The following KHDRBS2 variants were observed in gnomAD, a reference collection of about 807,000 sequenced individuals.
KHDRBS2 encodes KH RNA binding domain containing, signal transduction associated 2, also known as KH domain-containing, RNA-binding, signal transduction-associated protein 2.
A neutral mutation model predicts 44.3 loss-of-function variants in KHDRBS2; 26 were observed. That is an observed-to-expected ratio of 0.59 (90% CI 0.43 to 0.81). The LOEUF is 0.81. Among genes scored for constraint, KHDRBS2 ranks in the 40% least tolerant of loss-of-function variants. The probability of loss-of-function intolerance (pLI) is 0.00; values close to 1 mark genes in which losing one functional copy is unlikely to be tolerated. For synonymous variants in KHDRBS2, 194 were observed against 151.1 expected (o/e 1.28, Z -2.08); for missense variants, 476 against 433.1 (o/e 1.10, Z -0.88).
At chr6:62,134,705 T>C (rs1007041684) in intron 2 of KHDRBS2, among the ~76,000 whole-genome samples, 2 of 152,116 alleles carry the variant, frequency 1.3e-5, no homozygotes, top group Non-Finnish European at 2.9e-5. Flanking sequence ...CCCACGACCA[T>C]AGGAACCCAC....
At chr6:62,104,420 T>C (rs192303851) in intron 2 of KHDRBS2, among the ~76,000 whole-genome samples, 8 of 152,318 alleles carry the variant, frequency 5.3e-5, no homozygotes, top group East Asian at 3.9e-4. Context: ...TTAGGTATAT[T>C]TGAAATCATT....
the KHDRBS2 span, among the ~76,000 whole-genome samples, chr6:61,569,119 C>G: frequency 6.6e-6 from 1 of 152,042 alleles, no homozygotes; most frequent in Non-Finnish European, 1.5e-5. Context: ...GGTGAGGCCT[C>G]TCGCTACTGG....
chr6:62,185,713 T>G (rs1206680085), intron 1 of KHDRBS2, among the ~76,000 whole-genome samples: 1 of 151,932 alleles, frequency 6.6e-6, no homozygotes, highest in East Asian at 1.9e-4. Context: ...CTCATTTATT[T>G]TAATGCCCTA....
intron 2 of KHDRBS2, among the ~76,000 whole-genome samples, chr6:62,111,613 A>G (rs1011683200): frequency 6.6e-6 from 1 of 152,110 alleles, no homozygotes; most frequent in Non-Finnish European, 1.5e-5. Context: ...AACAGACTGC[A>G]GGATAGATAC....
At chr6:62,005,955 A>G (rs1484627795) in intron 3 of KHDRBS2, among the ~76,000 whole-genome samples, 1 of 152,016 alleles carries the variant, frequency 6.6e-6, no homozygotes, top group South Asian at 2.1e-4. Flanking sequence ...AGATACAAGG[A>G]GACGAAAAAT....
At chr6:61,630,902 G>T in the KHDRBS2 span, among the ~76,000 whole-genome samples, 1 of 152,110 alleles carries the variant, frequency 6.6e-6, no homozygotes, top group Non-Finnish European at 1.5e-5. Context: ...TTGTCTCTTT[G>T]TATTCTGTGG....
chr6:61,967,957 T>TATACACAC (rs1228663590), intron 4 of KHDRBS2, among the ~76,000 whole-genome samples: 6 of 73,588 alleles, frequency 8.2e-5, no homozygotes, highest in African/African-American at 2.8e-4. Context: ...TATATATATA[T>TATACACAC]ACACACACAC....
At chr6:61,935,153 G>A (rs1035042300) in intron 4 of KHDRBS2, among the ~76,000 whole-genome samples, 3 of 152,132 alleles carry the variant, frequency 2.0e-5, no homozygotes, top group African/African-American at 7.2e-5. Context: ...GATTCTTGAG[G>A]GTTGGAATTT....
intron 2 of KHDRBS2, among the ~76,000 whole-genome samples, chr6:62,069,751 T>TAG (rs996852594): frequency 6.6e-6 from 1 of 151,798 alleles, no homozygotes; most frequent in African/African-American, 2.4e-5. Context: ...TACAATAGGA[T>TAG]AGTTTGTACT....
rs73488993 is a variant in KHDRBS2, at chr6:62,270,159, T to C, written c.91+15699A>G. On this transcript the variant is annotated intron_variant, in intron 1 of 8. Transcript: ENST00000281156. ...GGAGTTGGAGCCTGCTGGGAGGTGTTTGGATCCATGGGAGTGGATCCCTCA... is the reference window on the plus strand; with the variant it reads ...GGAGTTGGAGCCTGCTGGGAGGTGTCTGGATCCATGGGAGTGGATCCCTCA... Among the ~76,000 whole-genome samples, 335 of 152,190 alleles carry C rather than the reference T, an allele frequency of 2.2e-3. 2 individuals carry two copies. Among genetic ancestry groups the C allele is most frequent in the African/African-American group, 7.5e-3 (312 of 41,548 alleles).
chr6:62,034,263 C>A (rs1405039054), intron 3 of KHDRBS2, among the ~76,000 whole-genome samples: 2 of 151,866 alleles, frequency 1.3e-5, no homozygotes, highest in Admixed American at 6.6e-5. Flanking sequence ...AAAGAACTAG[C>A]AGCAATCCTA....
chr6:62,094,776 G>T (rs1160400689), intron 2 of KHDRBS2, among the ~76,000 whole-genome samples: 1 of 151,792 alleles, frequency 6.6e-6, no homozygotes, highest in African/African-American at 2.4e-5. Flanking sequence ...TCTTCTGCAT[G>T]TCGATATCCA....
chr6:61,901,399 T>TA lies in KHDRBS2; in HGVS notation c.484-29dup, dbSNP rs368287685. 77 of 1,576,898 alleles carry TA rather than the reference T, an allele frequency of 4.9e-5. No homozygotes were observed. The African/African-American group carries it at 1.0e-3, about 21-fold the overall frequency. On this transcript the variant is annotated intron_variant, in intron 4 of 8. Coordinates refer to ENST00000281156, the MANE Select transcript of KHDRBS2 (RefSeq NM_152688.4). Reference sequence around the variant, plus strand: ...GGAGAAAAAACATGATGTGATGAGTTAAAAATGGGACATGCCGTTCTCAGA... The same window carrying TA: ...GGAGAAAAAACATGATGTGATGAGTTAAAAAATGGGACATGCCGTTCTCAGA...
the KHDRBS2 span, among the ~76,000 whole-genome samples, chr6:61,616,883 C>T: frequency 6.6e-6 from 1 of 152,150 alleles, no homozygotes; most frequent in African/African-American, 2.4e-5. Flanking sequence ...AGAAAATCCT[C>T]ATTTGGAATA....
At chr6:62,265,767 G>A (rs1161746248) in intron 1 of KHDRBS2, among the ~76,000 whole-genome samples, 3 of 151,966 alleles carry the variant, frequency 2.0e-5, no homozygotes, top group Admixed American at 6.6e-5. Flanking sequence ...TGGAAAGGCA[G>A]AACATGGCAA....
chr6:61,588,628 C>T, the KHDRBS2 span, among the ~76,000 whole-genome samples: 1 of 151,970 alleles, frequency 6.6e-6, no homozygotes, highest in East Asian at 1.9e-4. Context: ...TACAAAAAAA[C>T]AAAACCAAAA....
At chr6:61,828,938 G>A (rs1791354828) in intron 6 of KHDRBS2, among the ~76,000 whole-genome samples, 2 of 152,194 alleles carry the variant, frequency 1.3e-5, no homozygotes, top group Non-Finnish European at 2.9e-5. Context: ...CTCTTCATTA[G>A]TATACAGTGG....
intron 3 of KHDRBS2, among the ~76,000 whole-genome samples, chr6:62,005,625 GC>G (rs1779073494): frequency 6.6e-6 from 1 of 151,158 alleles, no homozygotes; most frequent in Non-Finnish European, 1.5e-5. Flanking sequence ...AAAAAAATAA[GC>G]TTTTGCAAGT....
At chr6:61,657,321 A>T in the KHDRBS2 span, among the ~76,000 whole-genome samples, 1 of 152,046 alleles carries the variant, frequency 6.6e-6, no homozygotes, top group South Asian at 2.1e-4. Flanking sequence ...AAGTCACCGT[A>T]CTATTTTCCC....
Sources: gnomAD v4.1 joint callset for allele counts (sites outside exome capture counted in the v4.1 genomes callset) on GRCh38, gnomAD v4.1.1 for gene constraint, MANE v1.5 for transcripts, NCBI Gene and HGNC (gene_info 2026-07-23, HGNC 2026-07-21) for gene names.